Variants in HSD17B12 observed in about 807,000 individuals in gnomAD.
HSD17B12 encodes the protein very-long-chain 3-oxoacyl-CoA reductase.
HSD17B12 carries 32 observed loss-of-function variants against 39.3 expected under a neutral mutation model. The observed-to-expected ratio is 0.81, with a 90% CI of 0.61 to 1.09. The LOEUF (loss-of-function observed/expected upper bound fraction) is 1.09, where lower values mean the gene tolerates loss of function less well. HSD17B12 is among the 50% of genes least tolerant of loss of function. The pLI, the probability that HSD17B12 is intolerant of heterozygous loss-of-function variation, is 0.00. For missense variants in HSD17B12, 342 were observed against 382.9 expected (o/e 0.89, Z 0.89); for synonymous variants, 150 against 146.7 (o/e 1.02, Z -0.16).
chr11:43,815,859 G>T lies in HSD17B12; in HGVS notation c.456+358G>T, dbSNP rs564782363. Among the ~76,000 whole-genome samples, 5 of 152,268 alleles carry T rather than the reference G, an allele frequency of 3.3e-5. No individual in the cohort carries two copies. In the East Asian group the frequency reaches 5.8e-4, roughly 18 times the overall value. On this transcript the variant is annotated intron_variant, in intron 5 of 10. Transcript: ENST00000278353. The stretch of plus-strand genomic sequence containing the variant: ...GATTCTAAACATCAACTTAAAAATT[G>T]TAAGTATGTTAATATACAGCAACGT...
chr11:43,779,245 A>G (rs1406526613), intron 3 of HSD17B12, among the ~76,000 whole-genome samples: 1 of 152,184 alleles, frequency 6.6e-6, no homozygotes, highest in African/African-American at 2.4e-5. Context: ...ATAATCTACC[A>G]AGTGGGCAAT....
At chr11:43,665,773 GCA>G in the HSD17B12 span, among the ~76,000 whole-genome samples, 92 of 150,076 alleles carry the variant, frequency 6.1e-4, no homozygotes, top group Non-Finnish European at 6.1e-4. Context: ...ACACGCGCAT[GCA>G]CACACACACA....
chr11:43,635,774 A>T, the HSD17B12 span, among the ~76,000 whole-genome samples: 3 of 130,956 alleles, frequency 2.3e-5, no homozygotes, highest in Non-Finnish European at 4.8e-5. Context: ...GAATTACCAG[A>T]TTAATGTGCT....
chr11:43,626,535 A>G, the HSD17B12 span, among the ~76,000 whole-genome samples: 1 of 151,924 alleles, frequency 6.6e-6, no homozygotes, highest in East Asian at 1.9e-4. Context: ...CAGAAACTAT[A>G]TGGCACATTA....
intron 3 of HSD17B12, among the ~76,000 whole-genome samples, chr11:43,757,793 T>C (rs968851202): frequency 6.7e-6 from 1 of 149,992 alleles, no homozygotes; most frequent in Non-Finnish European, 1.5e-5. Context: ...GAGATAACAA[T>C]AGAGAAGTTC....
chr11:43,704,832 GA>G (rs531807513), intron 1 of HSD17B12, among the ~76,000 whole-genome samples: 143 of 152,272 alleles, frequency 9.4e-4, no homozygotes, highest in African/African-American at 3.4e-3. Flanking sequence ...ATAAACTGGG[GA>G]AAGAACCAAC....
chr11:43,620,761 C>T, the HSD17B12 span, among the ~76,000 whole-genome samples: 1 of 152,194 alleles, frequency 6.6e-6, no homozygotes, highest in African/African-American at 2.4e-5. Flanking sequence ...GAAGGCTGAG[C>T]AGCCTAAAAG....
intron 1 of HSD17B12, among the ~76,000 whole-genome samples, chr11:43,715,654 A>T (rs970302342): frequency 6.6e-6 from 1 of 152,058 alleles, no homozygotes; most frequent in Non-Finnish European, 1.5e-5. Flanking sequence ...TGAGTTAGGG[A>T]GGATTTCCTC....
the HSD17B12 span, among the ~76,000 whole-genome samples, chr11:43,598,100 G>A: frequency 6.6e-6 from 1 of 152,140 alleles, no homozygotes; most frequent in Admixed American, 6.5e-5. Context: ...CCTCCAAAAT[G>A]CAGCCAGGTT....
the HSD17B12 span, chr11:43,581,505 C>A: frequency 2.0e-6 from 1 of 487,932 alleles, no homozygotes; most frequent in South Asian, 1.5e-5. This position sits in a 1 kb window ranked among gnomAD's most constrained non-coding sequence, Gnocchi z 4.9. Context: ...AAGACGGCAG[C>A]CATCCAGCGA....
intron 2 of HSD17B12, among the ~76,000 whole-genome samples, chr11:43,751,187 G>C (rs1383815679): frequency 2.6e-5 from 4 of 152,044 alleles, no homozygotes; most frequent in Non-Finnish European, 5.9e-5. Context: ...TGGTTGTACT[G>C]GGTAGTTGGA....
chr11:43,755,359 A>T (rs1950499128), intron 3 of HSD17B12: 1 of 152,694 alleles, frequency 6.5e-6, no homozygotes, highest in East Asian at 1.9e-4. Flanking sequence ...ACTTTACTAG[A>T]ACTGAAATTG....
chr11:43,690,379 TATATATATATATATATATATATATA>T (rs1247926832), intron 1 of HSD17B12, among the ~76,000 whole-genome samples: 410 of 12,862 alleles, frequency 0.032, 44 homozygotes, highest in South Asian at 0.067. Flanking sequence ...TATATATATA[TATATATATATATATATATATATATA>T]TTTTTTTTTT....
At chr11:43,667,912 T>G in the HSD17B12 span, among the ~76,000 whole-genome samples, 2 of 152,190 alleles carry the variant, frequency 1.3e-5, no homozygotes, top group Non-Finnish European at 2.9e-5. Flanking sequence ...CAGGTCTTTA[T>G]GAAACTTAAA....
At chr11:43,686,688 C>A (rs1949803318) in intron 1 of HSD17B12, among the ~76,000 whole-genome samples, 2 of 150,008 alleles carry the variant, frequency 1.3e-5, no homozygotes, top group Non-Finnish European at 3.0e-5. Context: ...CAAACCTAGA[C>A]TTGAATTCTA....
intron 1 of HSD17B12, among the ~76,000 whole-genome samples, chr11:43,714,691 T>C (rs1480508034): frequency 6.6e-6 from 1 of 152,236 alleles, no homozygotes; most frequent in Non-Finnish European, 1.5e-5. Flanking sequence ...GGGGATGGCA[T>C]TGAATCTATA....
At chr11:43,567,363 T>C in the HSD17B12 span, among the ~76,000 whole-genome samples, 100 of 151,850 alleles carry the variant, frequency 6.6e-4, no homozygotes, top group African/African-American at 2.4e-3. Flanking sequence ...AGCCCAAGAG[T>C]TGAACCTCGG....
intron 1 of HSD17B12, among the ~76,000 whole-genome samples, chr11:43,745,426 C>T (rs1488741750): frequency 6.6e-6 from 1 of 152,052 alleles, no homozygotes; most frequent in East Asian, 1.9e-4. Context: ...GTGATACTGC[C>T]ATCAATTCAT....
At chr11:43,674,733 G>A in the HSD17B12 span, among the ~76,000 whole-genome samples, 1 of 152,182 alleles carries the variant, frequency 6.6e-6, no homozygotes, top group Non-Finnish European at 1.5e-5. Context: ...GCACAGATGT[G>A]TATTCTTCAA....
Sources: gnomAD v4.1 joint callset for allele counts (sites outside exome capture counted in the v4.1 genomes callset) on GRCh38, gnomAD v4.1.1 for gene constraint, Gnocchi (gnomAD v3.1) non-coding constraint, MANE v1.5 for transcripts, NCBI Gene and HGNC (gene_info 2026-07-23, HGNC 2026-07-21) for gene names.